Variants in FAM98B observed in about 807,000 individuals in gnomAD.
FAM98B encodes tRNA splicing ligase complex subunit 3B.
In FAM98B, 32 loss-of-function variants were observed where a neutral mutation model predicts 43.9. The ratio of observed to expected loss-of-function variants is 0.73; its 90% CI spans 0.55 to 0.98. The LOEUF (loss-of-function observed/expected upper bound fraction) is 0.98, where lower values mean the gene tolerates loss of function less well. Among genes scored for constraint, FAM98B ranks in the 50% least tolerant of loss-of-function variants. FAM98B has a pLI of 0.00. For synonymous variants in FAM98B, 190 were observed against 174.0 expected, an observed-to-expected ratio of 1.09 and a Z score of -0.72; for missense variants, 514 against 522.9, an observed-to-expected ratio of 0.98 and a Z score of 0.17.
intron 4 of FAM98B, 81 bp downstream of exon 4, chr15:38,470,486 T>A (rs1002824707): frequency 2.7e-5 from 34 of 1,259,756 alleles, no homozygotes; most frequent in Middle Eastern, 2.0e-4. Flanking sequence ...AACTATTCCC[T>A]ATAATTATGA....
intron 6 of FAM98B, among the ~76,000 whole-genome samples, chr15:38,476,211 G>C (rs1188368475): frequency 2.6e-5 from 4 of 152,048 alleles, no homozygotes; most frequent in Non-Finnish European, 4.4e-5. Context: ...TTGCTTCATT[G>C]TTTTCAAGTA....
Position 38,464,027 on chromosome 15 carries a change from T to C in FAM98B, c.72-5T>C. On this transcript the variant is annotated splice_polypyrimidine_tract_variant and splice_region_variant and intron_variant, in intron 1 of 7. Coordinates refer to ENST00000397609, the MANE Select transcript of FAM98B (RefSeq NM_173611.4). ...AGTTTTTAACTTGTATTTCTTCCTT[T>C]CTAGGTATAAAGGACCATTGTTAGA... 1 of 1,590,208 alleles carries C rather than the reference T, an allele frequency of 6.3e-7. No homozygotes were observed. The highest frequency in any genetic ancestry group is 8.6e-7 in the Non-Finnish European group (1 of 1,169,118).
At chr15:38,463,968 G>A in intron 1 of FAM98B, 64 bp from the exon 2 acceptor site, 1 of 1,463,530 alleles carries the variant, frequency 6.8e-7, no homozygotes, top group Non-Finnish European at 9.2e-7. Flanking sequence ...TTGACACAGA[G>A]TGTTGGAGGT....
intron 6 of FAM98B, among the ~76,000 whole-genome samples, chr15:38,477,899 G>T (rs919703744): frequency 1.3e-5 from 2 of 152,196 alleles, no homozygotes; most frequent in African/African-American, 4.8e-5. Context: ...CTTACCTCAA[G>T]AAATGGAATA....
rs1418486148 is a variant in FAM98B at position 38,487,171 on chromosome 15, A to G, written c.*2512A>G. On this transcript the variant is annotated 3_prime_UTR_variant, in exon 8 of 8. Transcript: ENST00000397609. ...TAACATAATCACCACACTATTACTC[A>G]TAAGCACACATCAAAAGGGAAACAA... 6.6e-6 allele frequency: 1 copy of G among 152,140 alleles called. No homozygotes were observed. The highest frequency in any genetic ancestry group is 1.9e-4 in the East Asian group (1 of 5,196). 9.4% of individuals were successfully genotyped at this position (152,140 alleles called of 1,614,324 possible).
Position 38,484,857 on chromosome 15 carries a change from T to C in FAM98B, c.*198T>C. 2.5e-6 allele frequency: 2 copies of C among 806,616 alleles called. No homozygotes were observed. Among genetic ancestry groups the C allele is most frequent in the Non-Finnish European group, 3.5e-6 (2 of 576,000 alleles). 50.0% of individuals were successfully genotyped at this position (806,616 alleles called of 1,614,324 possible). A position where few individuals can be genotyped will look rare whatever the true frequency, so the allele number is the denominator to read the frequency against. Reference sequence around the variant, plus strand: ...TCTCTCAAATGAAGTGATGACTTTTTCCATATTCTGTGTACCCTTGAGCAT... The same window carrying C: ...TCTCTCAAATGAAGTGATGACTTTTCCCATATTCTGTGTACCCTTGAGCAT... On this transcript the variant is annotated 3_prime_UTR_variant, in exon 8 of 8. Transcript: ENST00000397609.
chr15:38,465,450 A>C, intron 3 of FAM98B, 47 bp downstream of exon 3: 7 of 1,493,886 alleles, frequency 4.7e-6, no homozygotes, highest in Non-Finnish European at 5.4e-6. Context: ...CATGGTTTTT[A>C]TTATTTTCAA....
At chr15:38,471,109 A>G (rs1358311809) in intron 4 of FAM98B, among the ~76,000 whole-genome samples, 1 of 152,076 alleles carries the variant, frequency 6.6e-6, no homozygotes, top group Non-Finnish European at 1.5e-5. Context: ...ATTTTAAAGG[A>G]AAATAAAATT....
In FAM98B at chr15:38,458,619, C is replaced by G. The variant is rs532029951; in HGVS notation, c.71+4387C>G. On this transcript the variant is annotated intron_variant, in intron 1 of 7. Transcript: ENST00000397609. The stretch of plus-strand genomic sequence containing the variant: ...ATCTAAGCTGTCCTAAAGCTCCTTA[C>G]AATCACTTCTCACTATTTCCAGGCC... The G allele has an allele frequency of 1.7e-3, 309 of 182,368 alleles. 3 individuals carry two copies. Among genetic ancestry groups the G allele is most frequent in the South Asian group, 0.015 (115 of 7,856 alleles). 11.3% of individuals were successfully genotyped at this position (182,368 alleles called of 1,614,324 possible).
chr15:38,459,434 T>C (rs1889910509), intron 1 of FAM98B: 1 of 365,572 alleles, frequency 2.7e-6, no homozygotes, highest in Non-Finnish European at 5.4e-6. Context: ...GCCTTGAAGA[T>C]GTTATATCCA....
At chr15:38,469,616 A>G (rs1276574179) in intron 3 of FAM98B, among the ~76,000 whole-genome samples, 6 of 152,350 alleles carry the variant, frequency 3.9e-5, no homozygotes, top group Admixed American at 1.3e-4. Flanking sequence ...TCCTTGGTAG[A>G]CATGTACTTA....
intron 1 of FAM98B, among the ~76,000 whole-genome samples, chr15:38,460,453 T>G (rs575667018): frequency 6.6e-6 from 1 of 152,230 alleles, no homozygotes; most frequent in South Asian, 2.1e-4. Flanking sequence ...ACTATGCTGC[T>G]TAAGAGAGGT....
intron 6 of FAM98B, among the ~76,000 whole-genome samples, chr15:38,476,078 C>T (rs1471447380): frequency 1.3e-5 from 2 of 152,262 alleles, no homozygotes; most frequent in East Asian, 1.9e-4. Flanking sequence ...AATTTCCAAA[C>T]AAGGAGTGCA....
intron 6 of FAM98B, among the ~76,000 whole-genome samples, chr15:38,479,199 C>G (rs1042630331): frequency 6.6e-6 from 1 of 152,240 alleles, no homozygotes; most frequent in Non-Finnish European, 1.5e-5. Flanking sequence ...AACTCCTGGC[C>G]TCAAGTAATG....
chr15:38,456,760 G>A (rs911296204), intron 1 of FAM98B, among the ~76,000 whole-genome samples: 3 of 152,178 alleles, frequency 2.0e-5, no homozygotes, highest in Non-Finnish European at 4.4e-5. Context: ...GGGGGACAAA[G>A]ATATCCTTAC....
intron 6 of FAM98B, among the ~76,000 whole-genome samples, chr15:38,475,064 T>C (rs899636480): frequency 6.7e-5 from 10 of 149,028 alleles, no homozygotes; most frequent in Non-Finnish European, 1.1e-4. Context: ...TTTCAGGTAT[T>C]ATTATTTTTA....
chr15:38,471,916 A>C (rs1270962346), intron 4 of FAM98B, among the ~76,000 whole-genome samples: 1 of 152,178 alleles, frequency 6.6e-6, no homozygotes, highest in Non-Finnish European at 1.5e-5. Flanking sequence ...TGAGGTGGTT[A>C]TAAATGTTTA....
intron 6 of FAM98B, among the ~76,000 whole-genome samples, chr15:38,479,995 C>A: frequency 6.6e-6 from 1 of 151,812 alleles, no homozygotes; most frequent in South Asian, 2.1e-4. Flanking sequence ...CTCTTTTTAA[C>A]TTCTATTTAT....
chr15:38,474,335 A>G, intron 6 of FAM98B, 37 bp downstream of exon 6: 2 of 1,359,390 alleles, frequency 1.5e-6, no homozygotes, highest in Non-Finnish European at 2.1e-6. Flanking sequence ...TGTAGGTGGT[A>G]GCCTATAACA....
Sources: gnomAD v4.1 joint callset for allele counts (sites outside exome capture counted in the v4.1 genomes callset) on GRCh38, gnomAD v4.1.1 for gene constraint, MANE v1.5 for transcripts, NCBI Gene and HGNC (gene_info 2026-07-23, HGNC 2026-07-21) for gene names.